EFCAB6: variants seen among roughly 807,000 people sequenced by gnomAD.
The protein encoded by EFCAB6 is EF-hand calcium-binding domain-containing protein 6.
Under a neutral mutation model 169.8 loss-of-function variants are expected in EFCAB6, and 156 were observed. That is an observed-to-expected ratio of 0.92 (90% CI 0.81 to 1.05). EFCAB6 has a LOEUF of 1.05. Among genes scored for constraint, EFCAB6 ranks in the 50% least tolerant of loss-of-function variants. The probability of loss-of-function intolerance (pLI) is 0.00; values close to 1 mark genes in which losing one functional copy is unlikely to be tolerated. For synonymous variants in EFCAB6, 698 were observed against 676.4 expected (o/e 1.03, Z -0.50); for missense variants, 1,800 against 1,829.1 (o/e 0.98, Z 0.29).
chr22:43,776,946 G>A (rs2061660081), intron 3 of EFCAB6, among the ~76,000 whole-genome samples: 1 of 152,180 alleles, frequency 6.6e-6, no homozygotes, highest in South Asian at 2.1e-4. Context: ...CAAAAAATGA[G>A]GAAGAGAGAC....
At chr22:43,674,256 T>G (rs1239405203) in intron 13 of EFCAB6, among the ~76,000 whole-genome samples, 1 of 152,260 alleles carries the variant, frequency 6.6e-6, no homozygotes, top group African/African-American at 2.4e-5. Flanking sequence ...TTCTAATTTT[T>G]CCAATTCCTT....
At chr22:43,647,144 CA>C (rs958294079) in intron 17 of EFCAB6, among the ~76,000 whole-genome samples, 4 of 88,072 alleles carry the variant, frequency 4.5e-5, no homozygotes, top group African/African-American at 1.8e-4. Context: ...ACATTCTATA[CA>C]AAAACAAATA....
At chr22:43,563,530 A>G (rs1165366125) in intron 26 of EFCAB6, among the ~76,000 whole-genome samples, 1 of 152,138 alleles carries the variant, frequency 6.6e-6, no homozygotes, top group Non-Finnish European at 1.5e-5. Context: ...TTGCCACTGC[A>G]CTCCAGCCTT....
chr22:43,600,352 A>C, intron 22 of EFCAB6, 89 bp from the exon 23 acceptor site: 1 of 1,327,650 alleles, frequency 7.5e-7, no homozygotes, highest in Non-Finnish European at 1.1e-6. Context: ...TGCACCATCC[A>C]TGAGGAGCTC....
chr22:43,550,442 C>T (rs187022743), intron 27 of EFCAB6, among the ~76,000 whole-genome samples: 75 of 152,186 alleles, frequency 4.9e-4, no homozygotes, highest in African/African-American at 1.7e-3. Flanking sequence ...GAGGCCGAGG[C>T]GGGTGGATCA....
chr22:43,746,755 T>G (rs775048674), intron 6 of EFCAB6, among the ~76,000 whole-genome samples: 2 of 152,110 alleles, frequency 1.3e-5, no homozygotes, highest in African/African-American at 2.4e-5. Flanking sequence ...TACAAAAAAT[T>G]AGAAATTAAA....
chr22:43,664,648 G>A (rs1002583498), intron 17 of EFCAB6, among the ~76,000 whole-genome samples: 3 of 152,202 alleles, frequency 2.0e-5, no homozygotes, highest in South Asian at 2.1e-4. Flanking sequence ...AAGGAGCCGC[G>A]ATCTTGGCAG....
At position 43,600,133 on chromosome 22, in the gene EFCAB6, G is replaced by A. The variant is rs747806463; in HGVS notation, c.2812C>T (p.Pro938Ser). 6 of 1,613,976 alleles carry A rather than the reference G, an allele frequency of 3.7e-6. No homozygotes were observed. The Admixed American group carries it at 1.0e-4, about 27-fold the overall frequency. Residue 938 changes from proline to serine, a missense_variant, in exon 23 of 32, where the codon CCA becomes TCA. Transcript: ENST00000262726. The part of the protein sequence containing the change: ...YFNFMGHFTK[P>S]QQLQEEMKEL... ...TTCATCTCTTCCTGTAGCTGCTGTG[G>A]CTTTGTAAAATGACCCATGAAGTTG...
At chr22:43,555,354 C>T (rs572150340) in intron 26 of EFCAB6, among the ~76,000 whole-genome samples, 75 of 152,308 alleles carry the variant, frequency 4.9e-4, no homozygotes, top group African/African-American at 1.6e-3. Flanking sequence ...GAAGGCTGGG[C>T]GGCCAGCACA....
rs998031114 is a variant in EFCAB6, at chr22:43,744,831, G to A, written c.508-8838C>T. On this transcript the variant is annotated intron_variant, in intron 6 of 31. Transcript: ENST00000262726. The surrounding 1 kb of genome is among the most constrained non-coding windows in gnomAD (Gnocchi z 4.3). ...CCCCATGATCTGGGGGAGAGAGGAA[G>A]CAGAAAGAAGGAGGGAGGTACAGCC... is the stretch of plus-strand genomic sequence containing the variant. Among the ~76,000 whole-genome samples the A allele has an allele frequency of 6.6e-6, 1 of 152,170 alleles. No homozygotes were observed. Among genetic ancestry groups the A allele is most frequent in the African/African-American group, 2.4e-5 (1 of 41,442 alleles).
chr22:43,571,089 G>C (rs1305470019), intron 26 of EFCAB6, among the ~76,000 whole-genome samples: 3 of 152,246 alleles, frequency 2.0e-5, no homozygotes, highest in African/African-American at 7.2e-5. Context: ...GCTGTGAGAA[G>C]AGCTCAGATC....
intron 19 of EFCAB6, among the ~76,000 whole-genome samples, chr22:43,631,791 A>T (rs1328513099): frequency 8.6e-5 from 13 of 152,014 alleles, no homozygotes; most frequent in Admixed American, 8.5e-4. Flanking sequence ...TCAATGAGGG[A>T]ATGGATGAAC....
chr22:43,618,034 G>A (rs750947199), intron 20 of EFCAB6, among the ~76,000 whole-genome samples: 8 of 150,570 alleles, frequency 5.3e-5, no homozygotes, highest in Non-Finnish European at 8.9e-5. Context: ...TCTGGGAGGC[G>A]GAGGTTGCAG....
intron 10 of EFCAB6, among the ~76,000 whole-genome samples, chr22:43,710,914 G>T (rs938318881): frequency 6.6e-6 from 1 of 152,180 alleles, no homozygotes; most frequent in Admixed American, 6.6e-5. Context: ...GTCAAATGCA[G>T]ATTGTAAGAA....
intron 20 of EFCAB6, among the ~76,000 whole-genome samples, chr22:43,620,699 A>G (rs1602663846): frequency 1.3e-5 from 2 of 152,150 alleles, no homozygotes; most frequent in East Asian, 1.9e-4. Context: ...ATAATACACA[A>G]TTTTTTTTCT....
chr22:43,757,717 T>C (rs1248952307), intron 5 of EFCAB6, among the ~76,000 whole-genome samples: 1 of 152,146 alleles, frequency 6.6e-6, no homozygotes, highest in Non-Finnish European at 1.5e-5. Context: ...CTTTGTCAGG[T>C]CTGCATTGCA....
chr22:43,563,627 C>T (rs1370059593), intron 26 of EFCAB6, among the ~76,000 whole-genome samples: 2 of 152,240 alleles, frequency 1.3e-5, no homozygotes, highest in African/African-American at 4.8e-5. Flanking sequence ...ATTTCACCAA[C>T]ACAACCCTCA....
At chr22:43,648,383 A>G (rs537886386) in intron 17 of EFCAB6, among the ~76,000 whole-genome samples, 64 of 152,344 alleles carry the variant, frequency 4.2e-4, no homozygotes, top group African/African-American at 1.5e-3. Context: ...TGCCATAAAA[A>G]AAGACTGAAA....
Position 43,667,095 on chromosome 22 carries a change from T to G in EFCAB6, c.1983+9A>C, listed in dbSNP as rs1303961542. ...CAGGATAGAAACAAAGAGAAACCCA[T>G]TCTCCTACCTTCTTAAAGTCATGCA... On this transcript the variant is annotated intron_variant, in intron 17 of 31. Transcript: ENST00000262726. 1.2e-6 allele frequency: 2 copies of G among 1,610,688 alleles called. No homozygotes were observed. Among genetic ancestry groups the G allele is most frequent in the East Asian group, 4.5e-5 (2 of 44,836 alleles).
Sources: gnomAD v4.1 joint callset for allele counts (sites outside exome capture counted in the v4.1 genomes callset) on GRCh38, gnomAD v4.1.1 for gene constraint, Gnocchi (gnomAD v3.1) non-coding constraint, MANE v1.5 for transcripts, NCBI Gene and HGNC (gene_info 2026-07-23, HGNC 2026-07-21) for gene names.